The following CADM1 variants were observed in gnomAD, a reference collection of about 807,000 sequenced individuals.
CADM1 encodes the protein TSLC-1.
A neutral mutation model predicts 53.1 loss-of-function variants in CADM1; 15 were observed. The ratio of observed to expected loss-of-function variants is 0.28; its 90% CI spans 0.19 to 0.44. The LOEUF is 0.44. Ranked by LOEUF, CADM1 falls within the 20% of genes least tolerant of loss-of-function variation. The pLI is 1.00. For synonymous variants in CADM1, 281 were observed against 243.0 expected, an observed-to-expected ratio of 1.16 and a Z score of -1.45; for missense variants, 434 against 611.3, an observed-to-expected ratio of 0.71 and a Z score of 3.06.
chr11:115,386,028 A>C (rs998000085), intron 1 of CADM1, among the ~76,000 whole-genome samples: 2 of 152,218 alleles, frequency 1.3e-5, no homozygotes, highest in African/African-American at 4.8e-5. Context: ...TAACAAAATT[A>C]CCTGCTGGAA....
intron 1 of CADM1, among the ~76,000 whole-genome samples, chr11:115,451,246 A>G (rs1038716943): frequency 6.6e-6 from 1 of 152,228 alleles, no homozygotes; most frequent in African/African-American, 2.4e-5. Flanking sequence ...TGCCTAAGTT[A>G]TCAAGACCTG....
Position 115,174,994 on chromosome 11 carries a change from A to G in CADM1, c.*1480T>C. On this transcript the variant is annotated 3_prime_UTR_variant, in exon 12 of 12. Coordinates refer to ENST00000331581, the MANE Select transcript of CADM1 (RefSeq NM_001301043.2). The stretch of plus-strand genomic sequence containing the variant: ...AGATATGTTCAAGGTCACTGATTTT[A>G]GTAGCTATGCACTATGGCTGCCATC... The G allele has an allele frequency of 1.0e-6, 1 of 985,904 alleles. No homozygotes were observed. Among genetic ancestry groups the G allele is most frequent in the Non-Finnish European group, 1.2e-6 (1 of 829,948 alleles). 61.1% of individuals were successfully genotyped at this position (985,904 alleles called of 1,614,324 possible).
intron 5 of CADM1, among the ~76,000 whole-genome samples, chr11:115,223,160 C>T (rs1000323207): frequency 6.6e-6 from 1 of 152,130 alleles, no homozygotes; most frequent in African/African-American, 2.4e-5. Context: ...AAAATCAGAT[C>T]ACGAGTTCCC....
At chr11:115,209,292 C>T (rs953944590) in intron 8 of CADM1, among the ~76,000 whole-genome samples, 1 of 152,176 alleles carries the variant, frequency 6.6e-6, no homozygotes, top group Non-Finnish European at 1.5e-5. Flanking sequence ...CTCTAGTAGC[C>T]AGCTGCCATT....
chr11:115,184,192 A>G (rs923688288), intron 10 of CADM1, among the ~76,000 whole-genome samples: 4 of 152,146 alleles, frequency 2.6e-5, no homozygotes. Context: ...CAAAACCATA[A>G]TCTGACCTAA....
At chr11:115,458,531 T>C (rs376705337) in intron 1 of CADM1, among the ~76,000 whole-genome samples, 2 of 140,970 alleles carry the variant, frequency 1.4e-5, no homozygotes, top group African/African-American at 5.3e-5. Flanking sequence ...ATTATTATTA[T>C]TACATTATAC....
In CADM1 at chr11:115,169,246, C is replaced by T. The variant is rs1938713084; in HGVS notation, c.*7228G>A. On this transcript the variant is annotated 3_prime_UTR_variant, in exon 12 of 12. Coordinates refer to ENST00000331581, the MANE Select transcript of CADM1 (RefSeq NM_001301043.2). ...TTTTTTTTTTTTTTTAAGGCATAGC[C>T]TTTGTAACTGAAGCCAGATAGAGAG... 1.0e-5 allele frequency: 1 copy of T among 95,392 alleles called. No individual in the cohort carries two copies. The highest frequency in any genetic ancestry group is 2.0e-5 in the Non-Finnish European group (1 of 49,296). 5.9% of individuals were successfully genotyped at this position (95,392 alleles called of 1,614,324 possible).
rs898345122 is a variant in CADM1, at chr11:115,172,433, T to G, written c.*4041A>C. 2 of 152,320 alleles carry G rather than the reference T, an allele frequency of 1.3e-5. No homozygotes were observed. Among genetic ancestry groups the G allele is most frequent in the Non-Finnish European group, 2.9e-5 (2 of 68,134 alleles). The allele number at this position is 152,320 out of a possible 1,614,324, so 9.4% of individuals were successfully genotyped here. ...GCTGGGCTTGTTGCCCTCTGTACTT[T>G]TGACTCACATTCCTTCTCCACGAAA... On this transcript the variant is annotated 3_prime_UTR_variant, in exon 12 of 12. Coordinates refer to ENST00000331581, the MANE Select transcript of CADM1 (RefSeq NM_001301043.2).
At chr11:115,255,574 A>G (rs1463742815) in intron 1 of CADM1, among the ~76,000 whole-genome samples, 2 of 152,212 alleles carry the variant, frequency 1.3e-5, no homozygotes, top group African/African-American at 4.8e-5. Context: ...ACACAAGACT[A>G]ACAGCTAAAC....
chr11:115,396,522 T>C (rs1268368850), intron 1 of CADM1, among the ~76,000 whole-genome samples: 1 of 152,244 alleles, frequency 6.6e-6, no homozygotes, highest in Non-Finnish European at 1.5e-5. Flanking sequence ...ACTTTATTTA[T>C]TTATTTATTT....
At chr11:115,192,724 G>C (rs577743251) in intron 9 of CADM1, among the ~76,000 whole-genome samples, 25 of 152,042 alleles carry the variant, frequency 1.6e-4, no homozygotes, top group Non-Finnish European at 3.4e-4. Flanking sequence ...TATTTCCTCG[G>C]GGAGGGCATT....
chr11:115,488,034 T>TG (rs953232842), intron 1 of CADM1, among the ~76,000 whole-genome samples: 15 of 7,586 alleles, frequency 2.0e-3, no homozygotes, highest in Non-Finnish European at 2.4e-3. Flanking sequence ...AGGCAATCCC[T>TG]GGAAAAAAAA....
In CADM1 at chr11:115,172,564, T is replaced by C. The variant is rs534347975; in HGVS notation, c.*3910A>G. The C allele has an allele frequency of 1.1e-4, 16 of 152,348 alleles. No homozygotes were observed. The highest frequency in any genetic ancestry group is 3.8e-4 in the African/African-American group (16 of 41,566). The allele number at this position is 152,348 out of a possible 1,614,324, so 9.4% of individuals were successfully genotyped here. On this transcript the variant is annotated 3_prime_UTR_variant, in exon 12 of 12. Transcript: ENST00000331581. ...TCCAGAAAATTCTCATAGCACTCTCTGGGCTTCTCTGTGTTCAGTGGGGCA... is the reference window on the plus strand; with the variant it reads ...TCCAGAAAATTCTCATAGCACTCTCCGGGCTTCTCTGTGTTCAGTGGGGCA...
At chr11:115,294,257 G>A (rs1326793409) in intron 1 of CADM1, among the ~76,000 whole-genome samples, 1 of 152,096 alleles carries the variant, frequency 6.6e-6, no homozygotes, top group Non-Finnish European at 1.5e-5. Context: ...GCCAGAGGAG[G>A]CCTCTGCTAG....
At chr11:115,324,543 T>G (rs1054983160) in intron 1 of CADM1, among the ~76,000 whole-genome samples, 1 of 152,088 alleles carries the variant, frequency 6.6e-6, no homozygotes, top group Non-Finnish European at 1.5e-5. Flanking sequence ...GACAGAGACC[T>G]TAAAAAGCAA....
intron 8 of CADM1, among the ~76,000 whole-genome samples, chr11:115,205,840 A>C (rs189123604): frequency 2.0e-5 from 3 of 152,332 alleles, no homozygotes; most frequent in African/African-American, 7.2e-5. Flanking sequence ...GTTGGAAAAA[A>C]AATTTAATGG....
intron 1 of CADM1, among the ~76,000 whole-genome samples, chr11:115,437,984 C>G (rs1273992369): frequency 6.6e-6 from 1 of 152,164 alleles, no homozygotes; most frequent in Non-Finnish European, 1.5e-5. Flanking sequence ...AAACAGAACT[C>G]CAGGAGCACC....
At chr11:115,457,137 C>T (rs1948699466) in intron 1 of CADM1, among the ~76,000 whole-genome samples, 1 of 152,166 alleles carries the variant, frequency 6.6e-6, no homozygotes, top group Non-Finnish European at 1.5e-5. Flanking sequence ...TAAGAGGTGG[C>T]TTACAAAAGA....
chr11:115,415,223 G>C (rs1315435606), intron 1 of CADM1, among the ~76,000 whole-genome samples: 1 of 152,124 alleles, frequency 6.6e-6, no homozygotes, highest in East Asian at 1.9e-4. Context: ...TAACACATGA[G>C]AGCAAACGAA....
Sources: allele counts gnomAD v4.1 joint callset (sites outside exome capture counted in the v4.1 genomes callset), GRCh38; gene constraint gnomAD v4.1.1; transcripts MANE v1.5; gene names NCBI Gene and HGNC (gene_info 2026-07-23, HGNC 2026-07-21).